CDH18: variants seen among roughly 807,000 people sequenced by gnomAD.
The protein encoded by CDH18 is cadherin-18.
In CDH18, 31 loss-of-function variants were observed where a neutral mutation model predicts 67.9. That is an observed-to-expected ratio of 0.46 (90% CI 0.34 to 0.62). CDH18 has a LOEUF of 0.62. CDH18 is among the 20% of genes least tolerant of loss of function. The probability of loss-of-function intolerance (pLI) is 0.01; values close to 1 mark genes in which losing one functional copy is unlikely to be tolerated. For missense variants in CDH18, 890 were observed against 975.5 expected, an observed-to-expected ratio of 0.91 and a Z score of 1.17; for synonymous variants, 362 against 347.2, an observed-to-expected ratio of 1.04 and a Z score of -0.48.
At chr5:20,357,979 A>G (rs899669383) in intron 1 of CDH18, among the ~76,000 whole-genome samples, 2 of 152,198 alleles carry the variant, frequency 1.3e-5, no homozygotes, top group Non-Finnish European at 2.9e-5. Context: ...ATAAAAAATG[A>G]AATCATGTCC....
At chr5:19,789,189 C>G (rs913287650) in intron 3 of CDH18, among the ~76,000 whole-genome samples, 2 of 152,168 alleles carry the variant, frequency 1.3e-5, no homozygotes, top group Non-Finnish European at 2.9e-5. Flanking sequence ...GAAGCTACAC[C>G]ATGTCTGCAA....
intron 11 of CDH18, among the ~76,000 whole-genome samples, chr5:19,493,537 G>GGTGTGTGTGTGTGTGT (rs67879363): frequency 4.1e-5 from 6 of 148,034 alleles, no homozygotes; most frequent in African/African-American, 1.5e-4. Flanking sequence ...AGGGAATTGG[G>GGTGTGTGTGTGTGTGT]GTGTGTGTGT....
rs190672109 is a variant in CDH18 at position 19,569,377 on chromosome 5, C to A, written c.1253+2202G>T. On this transcript the variant is annotated intron_variant, in intron 8 of 12. Transcript: ENST00000382275. ...CCTCCAGAAAGTTTTGGAATACATT[C>A]TCCATGCACACCTCCCTCAGACCAT... is the stretch of plus-strand genomic sequence containing the variant. Among the ~76,000 whole-genome samples, 92 of 152,274 alleles carry A rather than the reference C, an allele frequency of 6.0e-4. 2 individuals are homozygous for A. The highest frequency in any genetic ancestry group is 6.0e-3 in the Admixed American group (92 of 15,288).
chr5:19,544,094 A>T (rs1735900256), intron 8 of CDH18, 89 bp from the exon 9 acceptor site: 3 of 485,784 alleles, frequency 6.2e-6, no homozygotes, highest in Non-Finnish European at 1.0e-5. Context: ...AATACATTAA[A>T]ATATTCAAAT....
At chr5:19,833,862 G>C (rs916422948) in intron 3 of CDH18, among the ~76,000 whole-genome samples, 1 of 152,072 alleles carries the variant, frequency 6.6e-6, no homozygotes, top group Non-Finnish European at 1.5e-5. Flanking sequence ...TGAATCCCAG[G>C]GATGAAGCTA....
chr5:19,841,082 G>C (rs1782263574), intron 2 of CDH18, among the ~76,000 whole-genome samples: 1 of 152,112 alleles, frequency 6.6e-6, no homozygotes, highest in Non-Finnish European at 1.5e-5. Flanking sequence ...AGATTCAAGA[G>C]CACGGCATTT....
chr5:20,174,412 A>ACTG (rs1737069265), intron 2 of CDH18, among the ~76,000 whole-genome samples: 1 of 152,178 alleles, frequency 6.6e-6, no homozygotes, highest in African/African-American at 2.4e-5. Flanking sequence ...TATGCTAGGT[A>ACTG]CTGCTTTATG....
chr5:19,785,156 T>G (rs1775565927), intron 3 of CDH18, among the ~76,000 whole-genome samples: 1 of 152,124 alleles, frequency 6.6e-6, no homozygotes, highest in Non-Finnish European at 1.5e-5. Context: ...AACGTAAACC[T>G]CTTTAAATAT....
chr5:20,100,766 CT>C (rs1018976358), intron 2 of CDH18, among the ~76,000 whole-genome samples: 22 of 151,756 alleles, frequency 1.4e-4, no homozygotes, highest in Admixed American at 7.9e-4. Context: ...TTCATGGTTT[CT>C]TTGCAAATAA....
At chr5:19,680,701 C>G (rs879416966) in intron 5 of CDH18, among the ~76,000 whole-genome samples, 1 of 151,744 alleles carries the variant, frequency 6.6e-6, no homozygotes, top group Admixed American at 6.6e-5. Flanking sequence ...AAATGCAAAT[C>G]AAAACCATAA....
intron 7 of CDH18, among the ~76,000 whole-genome samples, chr5:19,582,155 T>C (rs771830612): frequency 2.6e-5 from 4 of 151,984 alleles, no homozygotes; most frequent in African/African-American, 4.8e-5. Flanking sequence ...TATTTATATA[T>C]AATTATACAC....
chr5:20,404,136 G>T (rs544676692), intron 1 of CDH18, among the ~76,000 whole-genome samples: 2 of 152,274 alleles, frequency 1.3e-5, no homozygotes, highest in Admixed American at 6.5e-5. Context: ...TCTTCATAGA[G>T]TTGAAGAGCG....
intron 2 of CDH18, among the ~76,000 whole-genome samples, chr5:19,969,631 G>T (rs538753036): frequency 4.3e-4 from 64 of 150,044 alleles, no homozygotes; most frequent in Non-Finnish European, 8.1e-4. Context: ...ACTCATAGGT[G>T]GGAATTGAAC....
intron 8 of CDH18, among the ~76,000 whole-genome samples, chr5:19,547,089 C>T (rs1028207354): frequency 2.0e-5 from 3 of 152,032 alleles, no homozygotes; most frequent in Admixed American, 6.6e-5. Flanking sequence ...AACCATTGTA[C>T]TTAATTCAGA....
At chr5:20,182,080 C>A (rs995455978) in intron 2 of CDH18, among the ~76,000 whole-genome samples, 3 of 152,022 alleles carry the variant, frequency 2.0e-5, no homozygotes, top group Non-Finnish European at 2.9e-5. Flanking sequence ...TTATTTAAAT[C>A]TGGGAAGAAA....
chr5:20,449,049 A>G (rs1750230613), intron 1 of CDH18, among the ~76,000 whole-genome samples: 2 of 152,138 alleles, frequency 1.3e-5, no homozygotes, highest in Admixed American at 6.6e-5. Flanking sequence ...ACCTAAGTAC[A>G]TTGGAATAAA....
At chr5:20,419,789 T>C (rs1467625604) in intron 1 of CDH18, among the ~76,000 whole-genome samples, 1 of 150,976 alleles carries the variant, frequency 6.6e-6, no homozygotes, top group Non-Finnish European at 1.5e-5. Flanking sequence ...GGGACTCTTT[T>C]GGCACTTCAA....
chr5:20,429,866 C>T (rs1748601246), intron 1 of CDH18, among the ~76,000 whole-genome samples: 1 of 152,004 alleles, frequency 6.6e-6, no homozygotes, highest in South Asian at 2.1e-4. Context: ...ATGATAATGC[C>T]AATACTAGTA....
chr5:19,892,886 A>G (rs1788929457), intron 2 of CDH18, among the ~76,000 whole-genome samples: 1 of 152,186 alleles, frequency 6.6e-6, no homozygotes, highest in Admixed American at 6.6e-5. Flanking sequence ...CTTGATCCAC[A>G]AAAGTGATGC....
Sources: allele counts gnomAD v4.1 joint callset (sites outside exome capture counted in the v4.1 genomes callset), GRCh38; gene constraint gnomAD v4.1.1; transcripts MANE v1.5; gene names NCBI Gene and HGNC (gene_info 2026-07-23, HGNC 2026-07-21).